The following DOCK3 variants were observed in gnomAD, a reference collection of about 807,000 sequenced individuals.
The protein encoded by DOCK3 is dedicator of cytokinesis protein 3.
DOCK3 carries 60 observed loss-of-function variants against 265.6 expected under a neutral mutation model. That is an observed-to-expected ratio of 0.23 (90% CI 0.18 to 0.28). The LOEUF (loss-of-function observed/expected upper bound fraction) is 0.28. DOCK3 is among the 10% of genes least tolerant of loss of function. DOCK3 has a pLI of 1.00. For synonymous variants in DOCK3, 881 were observed against 938.0 expected, an observed-to-expected ratio of 0.94 and a Z score of 1.11; for missense variants, 1,981 against 2,594.3, an observed-to-expected ratio of 0.76 and a Z score of 5.14.
chr3:51,138,014 A>G (rs779690465), intron 9 of DOCK3, among the ~76,000 whole-genome samples: 4 of 152,236 alleles, frequency 2.6e-5, no homozygotes, highest in African/African-American at 2.4e-5. Context: ...TTCAATCAGC[A>G]TTTATCCAAC....
chr3:51,132,110 A>G (rs1163404762), intron 9 of DOCK3, among the ~76,000 whole-genome samples: 1 of 152,198 alleles, frequency 6.6e-6, no homozygotes, highest in Non-Finnish European at 1.5e-5. Context: ...ACAGTGGACC[A>G]TCTTTTAATC....
intron 5 of DOCK3, among the ~76,000 whole-genome samples, chr3:51,032,414 A>G (rs1321315704): frequency 6.6e-6 from 1 of 152,188 alleles, no homozygotes; most frequent in African/African-American, 2.4e-5. Flanking sequence ...GCACACATTT[A>G]AAATATAGTT....
intron 5 of DOCK3, among the ~76,000 whole-genome samples, chr3:50,971,964 G>C (rs983868720): frequency 2.6e-5 from 4 of 152,330 alleles, no homozygotes; most frequent in African/African-American, 9.6e-5. Flanking sequence ...ATACAGGCAG[G>C]AATATGATCC....
At chr3:50,705,429 T>G (rs972863337) in intron 1 of DOCK3, among the ~76,000 whole-genome samples, 1 of 152,072 alleles carries the variant, frequency 6.6e-6, no homozygotes, top group African/African-American at 2.4e-5. Flanking sequence ...TTATTTTTAT[T>G]TTTTGAGACA....
intron 5 of DOCK3, among the ~76,000 whole-genome samples, chr3:51,042,452 A>G (rs1055100827): frequency 6.6e-6 from 1 of 152,210 alleles, no homozygotes; most frequent in Non-Finnish European, 1.5e-5. Context: ...TAAGACCTAT[A>G]TATGACAAAC....
At chr3:50,920,986 C>T (rs1420743253) in intron 4 of DOCK3, among the ~76,000 whole-genome samples, 4 of 152,160 alleles carry the variant, frequency 2.6e-5, no homozygotes, top group African/African-American at 9.7e-5. Flanking sequence ...ATCTTTATTT[C>T]TGCCTTTATT....
intron 1 of DOCK3, among the ~76,000 whole-genome samples, chr3:50,724,630 A>G (rs887991734): frequency 4.7e-5 from 7 of 149,648 alleles, no homozygotes; most frequent in African/African-American, 1.7e-4. Context: ...TCAGGTGGGA[A>G]TGGAACAATA....
chr3:51,300,013 A>G (rs557030912), intron 27 of DOCK3, among the ~76,000 whole-genome samples: 8 of 152,262 alleles, frequency 5.3e-5, no homozygotes, highest in African/African-American at 1.9e-4. Flanking sequence ...CAGTATGGCC[A>G]TTTTCACAAT....
chr3:51,219,995 A>C (rs2089994228), intron 14 of DOCK3, among the ~76,000 whole-genome samples: 1 of 152,196 alleles, frequency 6.6e-6, no homozygotes, highest in African/African-American at 2.4e-5. Flanking sequence ...GTTGCAATGG[A>C]AACCAGAAGT....
chr3:50,727,622 C>T (rs1185692194), intron 1 of DOCK3, among the ~76,000 whole-genome samples: 3 of 152,058 alleles, frequency 2.0e-5, no homozygotes, highest in South Asian at 2.1e-4. Context: ...TGCTTGAAAC[C>T]GGGAGGCAGA....
chr3:51,254,535 A>G (rs2079441412), intron 22 of DOCK3, among the ~76,000 whole-genome samples: 1 of 152,164 alleles, frequency 6.6e-6, no homozygotes, highest in Non-Finnish European at 1.5e-5. Flanking sequence ...GACTTGCTTT[A>G]TGAATCTGGG....
At chr3:50,781,585 C>A (rs2108531905) in intron 2 of DOCK3, among the ~76,000 whole-genome samples, 1 of 151,910 alleles carries the variant, frequency 6.6e-6, no homozygotes, top group East Asian at 1.9e-4. Flanking sequence ...TATAGTAGTT[C>A]TATTTGTAGT....
At chr3:50,843,342 G>A (rs1226652106) in intron 3 of DOCK3, among the ~76,000 whole-genome samples, 3 of 152,124 alleles carry the variant, frequency 2.0e-5, no homozygotes, top group Non-Finnish European at 4.4e-5. Flanking sequence ...CATCTTGGCA[G>A]GGTTGGCTGG....
At chr3:51,163,828 C>T (rs945815019) in intron 12 of DOCK3, among the ~76,000 whole-genome samples, 3 of 151,938 alleles carry the variant, frequency 2.0e-5, no homozygotes, top group African/African-American at 7.3e-5. Flanking sequence ...ATATGTATTA[C>T]AAATTATGTA....
At chr3:51,009,252 T>A (rs1359397921) in intron 5 of DOCK3, among the ~76,000 whole-genome samples, 4 of 152,152 alleles carry the variant, frequency 2.6e-5, no homozygotes, top group Admixed American at 2.0e-4. Flanking sequence ...GGTCCTGGAC[T>A]TTTTTTGGTT....
At chr3:50,851,014 A>T (rs2046333853) in intron 3 of DOCK3, among the ~76,000 whole-genome samples, 1 of 152,186 alleles carries the variant, frequency 6.6e-6, no homozygotes, top group African/African-American at 2.4e-5. Context: ...TGGACCATGC[A>T]GGTCTGCCTA....
intron 5 of DOCK3, among the ~76,000 whole-genome samples, chr3:50,978,621 A>T (rs938860344): frequency 6.6e-6 from 1 of 152,168 alleles, no homozygotes; most frequent in African/African-American, 2.4e-5. Context: ...CTGCCCCCAG[A>T]GGTGGAGCCT....
intron 12 of DOCK3, among the ~76,000 whole-genome samples, chr3:51,196,610 A>T (rs972502079): frequency 1.3e-5 from 2 of 152,058 alleles, no homozygotes; most frequent in Non-Finnish European, 2.9e-5. Flanking sequence ...GTCTGACAGG[A>T]TTATTTCAAA....
intron 2 of DOCK3, among the ~76,000 whole-genome samples, chr3:50,819,984 A>G (rs1422900760): frequency 1.3e-5 from 2 of 152,188 alleles, no homozygotes; most frequent in East Asian, 3.9e-4. Flanking sequence ...AACAACAACA[A>G]AAAATGCCAT....
Sources: gnomAD v4.1 joint callset for allele counts (sites outside exome capture counted in the v4.1 genomes callset) on GRCh38, gnomAD v4.1.1 for gene constraint, MANE v1.5 for transcripts, NCBI Gene and HGNC (gene_info 2026-07-23, HGNC 2026-07-21) for gene names.